The following PPP6R2 variants were observed in gnomAD, a reference collection of about 807,000 sequenced individuals.
PPP6R2 encodes protein phosphatase 6 regulatory subunit 2, also known as serine/threonine-protein phosphatase 6 regulatory subunit 2.
PPP6R2 carries 62 observed loss-of-function variants against 100.2 expected under a neutral mutation model. That is an observed-to-expected ratio of 0.62 (90% CI 0.50 to 0.76). PPP6R2 has a LOEUF of 0.76. Among genes scored for constraint, PPP6R2 ranks in the 30% least tolerant of loss-of-function variants. The pLI, the probability that PPP6R2 is intolerant of heterozygous loss-of-function variation, is 0.00. For synonymous variants in PPP6R2, 525 were observed against 514.7 expected, an observed-to-expected ratio of 1.02 and a Z score of -0.27; for missense variants, 1,142 against 1,276.3, an observed-to-expected ratio of 0.89 and a Z score of 1.60.
At chr22:50,421,082 CTCTT>C (rs966094213) in intron 8 of PPP6R2, among the ~76,000 whole-genome samples, 2 of 152,036 alleles carry the variant, frequency 1.3e-5, no homozygotes, top group South Asian at 2.1e-4. Flanking sequence ...TGTTAGGACT[CTCTT>C]TCTCTCTCTC....
intron 3 of PPP6R2, among the ~76,000 whole-genome samples, chr22:50,396,537 C>G (rs2056927270): frequency 1.3e-5 from 2 of 151,724 alleles, no homozygotes; most frequent in African/African-American, 4.8e-5. Flanking sequence ...TTTTGTCACA[C>G]ACATGAAAAC....
At chr22:50,387,264 T>G (rs2054444541) in intron 2 of PPP6R2, among the ~76,000 whole-genome samples, 1 of 152,034 alleles carries the variant, frequency 6.6e-6, no homozygotes, top group African/African-American at 2.4e-5. Context: ...GGGGTCTTGC[T>G]GTGTTGCCCA....
intron 2 of PPP6R2, among the ~76,000 whole-genome samples, chr22:50,378,169 A>T (rs2052038056): frequency 6.6e-6 from 1 of 152,376 alleles, no homozygotes. Flanking sequence ...AGTAAGAATG[A>T]TGGCTGACTT....
intron 1 of PPP6R2, among the ~76,000 whole-genome samples, chr22:50,346,873 A>C (rs1307472265): frequency 7.5e-6 from 1 of 133,470 alleles, no homozygotes; most frequent in East Asian, 2.3e-4. Context: ...ACTTCCCATC[A>C]GTGCCTGCAC....
intron 3 of PPP6R2, among the ~76,000 whole-genome samples, chr22:50,396,624 G>C (rs1308101075): frequency 6.6e-6 from 1 of 152,116 alleles, no homozygotes; most frequent in African/African-American, 2.4e-5. Context: ...TCATAGCGTT[G>C]AGCAGCTCCA....
rs754130549 is a variant in PPP6R2 at position 50,444,035 on chromosome 22, G to A, written c.2749G>A (p.Val917Met). 41 of 1,613,266 alleles carry A rather than the reference G, an allele frequency of 2.5e-5. No homozygotes were observed. Among genetic ancestry groups the A allele is most frequent in the South Asian group, 1.4e-4 (13 of 91,084 alleles). The change falls in exon 23 of 24, where the codon GTG becomes ATG. Residue 917 changes from valine to methionine, a missense_variant. This residue lies in a region of PPP6R2 where 550 missense variants were observed against 517.4 expected (regional missense o/e 1.06). Transcript: ENST00000612753. ...CCCAGCAGTCTCTTCTGCACTGGCC[G>A]TGGCGGTCCCCCTAGGGCCCATCAT... ...PTPAVSSALA[V>M]AVPLGPIMAV...
intron 6 of PPP6R2, among the ~76,000 whole-genome samples, chr22:50,417,518 A>G (rs535958594): frequency 6.6e-6 from 1 of 152,126 alleles, no homozygotes; most frequent in Non-Finnish European, 1.5e-5. Flanking sequence ...CATTACACAT[A>G]CCGATCTATA....
chr22:50,331,508 G>T, the PPP6R2 span, among the ~76,000 whole-genome samples: 1 of 151,910 alleles, frequency 6.6e-6, no homozygotes, highest in Admixed American at 6.6e-5. Flanking sequence ...TTTCTTGTGG[G>T]CGAGTTTGGC....
intron 1 of PPP6R2, among the ~76,000 whole-genome samples, chr22:50,351,187 T>C (rs77077461): frequency 6.9e-6 from 1 of 144,210 alleles, no homozygotes. Context: ...ATTACAGGCA[T>C]GTGCCATTGC....
At chr22:50,443,634 G>T (rs1320555220) in intron 22 of PPP6R2, 1 of 596,134 alleles carries the variant, frequency 1.7e-6, no homozygotes, top group Admixed American at 3.0e-5. Flanking sequence ...GCCTGGAGGA[G>T]GTTTGAGGTC....
In PPP6R2 at chr22:50,369,662, C is replaced by T. The variant is rs567996453; in HGVS notation, c.-147-2358C>T. Among the ~76,000 whole-genome samples, 20 of 152,130 alleles carry T rather than the reference C, an allele frequency of 1.3e-4. No homozygotes were observed. In the South Asian group the frequency reaches 2.1e-3, roughly 16 times the overall value. Reference sequence around the variant, plus strand: ...CTGAGTATCTGGGATTAGAGGCGTACGCCCGGCTAATTTTTTGTGTTTTTA... The same window carrying T: ...CTGAGTATCTGGGATTAGAGGCGTATGCCCGGCTAATTTTTTGTGTTTTTA... On this transcript the variant is annotated intron_variant, in intron 1 of 23. Coordinates refer to ENST00000612753, the MANE Select transcript of PPP6R2 (RefSeq NM_001242898.2).
chr22:50,394,220 G>A (rs1569387527), intron 3 of PPP6R2, 85 bp downstream of exon 3: 4 of 1,550,104 alleles, frequency 2.6e-6, no homozygotes, highest in East Asian at 2.3e-5. Flanking sequence ...GCCATAGTTG[G>A]GGATTTCTGA....
intron 2 of PPP6R2, among the ~76,000 whole-genome samples, chr22:50,376,102 GA>G (rs2051493019): frequency 6.6e-6 from 1 of 151,838 alleles, no homozygotes; most frequent in Non-Finnish European, 1.5e-5. Context: ...TAAAGACAGT[GA>G]TTAATAGTAC....
chr22:50,431,893 C>G lies in PPP6R2; in HGVS notation c.1336-372C>G, dbSNP rs555073443. On this transcript the variant is annotated intron_variant, in intron 11 of 23. Transcript: ENST00000612753. The surrounding 1 kb of genome is among the most constrained non-coding windows in gnomAD (Gnocchi z 4.8). ...AGAGAAAGTGCTGAGGGCAGACAGC[C>G]CTAGTCGTTCTTCCGGACACAGAGA... Among the ~76,000 whole-genome samples, 1 of 152,032 alleles carries G rather than the reference C, an allele frequency of 6.6e-6. No homozygotes were observed. Among genetic ancestry groups the G allele is most frequent in the Non-Finnish European group, 1.5e-5 (1 of 68,004 alleles).
the PPP6R2 span, among the ~76,000 whole-genome samples, chr22:50,333,339 CTTTTT>C: frequency 1.1e-4 from 15 of 140,616 alleles, no homozygotes; most frequent in Non-Finnish European, 1.4e-4. Flanking sequence ...TGTTCTTTTT[CTTTTT>C]TTTTTTTTTT....
rs534692190 is a variant in PPP6R2 at position 50,356,925 on chromosome 22, C to T, written c.-148+13375C>T. 1.1e-4 allele frequency among the ~76,000 whole-genome samples: 16 copies of T among 146,572 alleles called. No homozygotes were observed. The East Asian group carries it at 2.4e-3, about 22-fold the overall frequency. ...CTCCAGCTTGGGCGACAGAGGGAGA[C>T]TCTGTCTCAAAAAAAAAACAAAAAA... On this transcript the variant is annotated intron_variant, in intron 1 of 23. Transcript: ENST00000612753.
At chr22:50,437,330 G>T (rs554496290) in intron 15 of PPP6R2, among the ~76,000 whole-genome samples, 176 bp from the exon 16 acceptor site, 2 of 152,226 alleles carry the variant, frequency 1.3e-5, no homozygotes, top group African/African-American at 4.8e-5. Flanking sequence ...CAGCGAGCGC[G>T]CAGCCTGAGT....
chr22:50,361,914 G>A (rs1281306483), intron 1 of PPP6R2, among the ~76,000 whole-genome samples: 1 of 152,180 alleles, frequency 6.6e-6, no homozygotes, highest in Non-Finnish European at 1.5e-5. Context: ...TCCTAGGGCA[G>A]TGGTGGCAGT....
At chr22:50,374,308 C>G (rs1225778982) in intron 2 of PPP6R2, among the ~76,000 whole-genome samples, 1 of 152,084 alleles carries the variant, frequency 6.6e-6, no homozygotes, top group Non-Finnish European at 1.5e-5. Flanking sequence ...GCCCTCCAGC[C>G]TGGGTGACAG....
Sources: allele counts gnomAD v4.1 joint callset (sites outside exome capture counted in the v4.1 genomes callset), GRCh38; gene constraint gnomAD v4.1.1; regional missense constraint gnomAD v4.1.1; non-coding constraint Gnocchi (gnomAD v3.1); transcripts MANE v1.5; gene names NCBI Gene and HGNC (gene_info 2026-07-23, HGNC 2026-07-21).